Variants in KMT2B observed in about 807,000 individuals in gnomAD.
The protein encoded by KMT2B is histone-lysine N-methyltransferase 2B.
Under a neutral mutation model 255.3 loss-of-function variants are expected in KMT2B, and 22 were observed. That is an observed-to-expected ratio of 0.09 (90% CI 0.06 to 0.12). The LOEUF (loss-of-function observed/expected upper bound fraction) is 0.12, where lower values mean the gene tolerates loss of function less well. KMT2B is among the 10% of genes least tolerant of loss of function. KMT2B has a pLI of 1.00. For synonymous variants in KMT2B, 1,730 were observed against 1,498.1 expected (o/e 1.15, Z -3.57); for missense variants, 3,149 against 3,737.0 (o/e 0.84, Z 4.10).
chr19:35,733,411 T>A lies in KMT2B; in HGVS notation c.6862T>A (p.Ser2288Thr). 6.6e-7 allele frequency: 1 copy of A among 1,517,076 alleles called. No homozygotes were observed. Among genetic ancestry groups the A allele is most frequent in the Non-Finnish European group, 8.9e-7 (1 of 1,128,388 alleles). The allele number at this position is 1,517,076 out of a possible 1,614,324, so 94.0% of individuals were successfully genotyped here. Residue 2288 changes from serine (S) to threonine (T), a missense_variant, in exon 28 of 37, where the codon TCC becomes ACC. Ser to Thr is a moderately conservative substitution (Grantham distance 58). This residue lies in a region of KMT2B where 897 missense variants were observed against 825.3 expected (regional missense o/e 1.09). Coordinates refer to ENST00000420124, the MANE Select transcript of KMT2B (RefSeq NM_014727.3). The surrounding 1 kb of genome is among the most constrained non-coding windows in gnomAD (Gnocchi z 4.3). Reference protein sequence around the residue: ...VKRVSTFSGRSPPAPPPYKAP... With the variant: ...VKRVSTFSGRTPPAPPPYKAP... ...GAGGGTGTCCACTTTCTCCGGCCGG[T>A]CCCCGCCAGCACCTCCCCCATACAA...
In KMT2B at chr19:35,723,793, TGGTCCTCCA is replaced by T; in HGVS notation, c.3123_3131del (p.Pro1043_Pro1045del). ...CCGATGAATCTCCTGAGGCCTCCCC[TGGTCCTCCA>T]GGCCCACGCCGGGGGGCGGGAGCTG... On this transcript the variant is annotated inframe_deletion, in exon 8 of 37. Transcript: ENST00000420124. The surrounding 1 kb of genome is among the most constrained non-coding windows in gnomAD (Gnocchi z 7.5). 1 of 1,585,726 alleles carries T rather than the reference TGGTCCTCCA, an allele frequency of 6.3e-7. No individual in the cohort carries two copies. The highest frequency in any genetic ancestry group is 1.1e-5 in the South Asian group (1 of 89,552).
rs1221693668 is a variant in KMT2B at position 35,718,776 on chromosome 19, C to G, written c.363+395C>G. On this transcript the variant is annotated intron_variant, in intron 1 of 36. Transcript: ENST00000420124. The surrounding 1 kb of genome is among the most constrained non-coding windows in gnomAD (Gnocchi z 5.0). ...GTCTGGGCTCTTACCTGTGGGCCGC[C>G]CCGCCGGGCCTCGCAACCTCCTGGT... 3.3e-5 allele frequency among the ~76,000 whole-genome samples: 5 copies of G among 152,284 alleles called. No individual in the cohort carries two copies. In the East Asian group the frequency reaches 7.7e-4, roughly 24 times the overall value.
Position 35,724,642 on chromosome 19 carries a change from C to T in KMT2B, c.3340C>T (p.Pro1114Ser). ...RRRTPRENEL[P>S]LPEPEEQSRP... is the part of the protein sequence containing the mutation. The stretch of plus-strand genomic sequence containing the variant: ...GCTCATTGTGTCCTGCCTAGAGCTG[C>T]CACTGCCAGAACCTGAGGAGCAGAG... The change falls in exon 9 of 37, where the codon CCA becomes TCA. Residue 1114 changes from proline to serine, a missense_variant. Physicochemically the swap from Pro to Ser is moderately conservative, Grantham distance 74. Transcript: ENST00000420124. 1 of 1,596,020 alleles carries T rather than the reference C, an allele frequency of 6.3e-7. No homozygotes were observed. The highest frequency in any genetic ancestry group is 1.7e-5 in the Admixed American group (1 of 57,610).
At position 35,738,231 on chromosome 19, in the gene KMT2B, G is replaced by C. The variant is rs755712964; in HGVS notation, c.7872+40G>C. ...GCTGTGGGAAGACAGTGGGTGAAGCGAGCCTGTCCGCGGGGACAGAGCACC... is the reference window on the plus strand; with the variant it reads ...GCTGTGGGAAGACAGTGGGTGAAGCCAGCCTGTCCGCGGGGACAGAGCACC... On this transcript the variant is annotated intron_variant, in intron 36 of 36. Transcript: ENST00000420124. This position sits in a 1 kb window ranked among gnomAD's most constrained non-coding sequence, Gnocchi z 8.7. The C allele has an allele frequency of 3.7e-6, 6 of 1,613,502 alleles. No homozygotes were observed. The highest frequency in any genetic ancestry group is 4.2e-6 in the Non-Finnish European group (5 of 1,179,616).
intron 8 of KMT2B, 108 bp from the exon 9 acceptor site, chr19:35,724,529 G>A (rs987356939): frequency 1.1e-6 from 1 of 899,012 alleles, no homozygotes; most frequent in Non-Finnish European, 1.8e-6. Flanking sequence ...GTCCTGGCGG[G>A]TCTTGGTTAG....
Position 35,729,130 on chromosome 19 carries a change from C to A in KMT2B, c.4780-29C>A, listed in dbSNP as rs1969584388. The A allele has an allele frequency of 2.5e-6, 4 of 1,613,890 alleles. No individual in the cohort carries two copies. In the East Asian group the frequency reaches 8.9e-5, roughly 36 times the overall value. On this transcript the variant is annotated intron_variant, in intron 21 of 36. Coordinates refer to ENST00000420124, the MANE Select transcript of KMT2B (RefSeq NM_014727.3). The stretch of plus-strand genomic sequence containing the variant: ...TGTGGGGCCTGTTCCCTGGCCTCCC[C>A]ACATCATGCCACTCCTCTTCTGCCC...
intron 8 of KMT2B, among the ~76,000 whole-genome samples, chr19:35,724,331 TC>T (rs1165315119): frequency 2.0e-5 from 3 of 152,094 alleles, no homozygotes; most frequent in Non-Finnish European, 4.4e-5. Flanking sequence ...TGGGACCCCA[TC>T]CCTATAAAAG....
At chr19:35,729,495 T>C (rs893949113) in intron 22 of KMT2B, among the ~76,000 whole-genome samples, 199 bp downstream of exon 22, 2 of 152,176 alleles carry the variant, frequency 1.3e-5, no homozygotes, top group Non-Finnish European at 2.9e-5. Flanking sequence ...GGGCCTGAAG[T>C]GTGGGAGTCT....
chr19:35,725,208 C>G lies in KMT2B; in HGVS notation c.3529-12C>G. On this transcript the variant is annotated splice_polypyrimidine_tract_variant and intron_variant, in intron 10 of 36. Transcript: ENST00000420124. This position sits in a 1 kb window ranked among gnomAD's most constrained non-coding sequence, Gnocchi z 4.1. Reference sequence around the variant, plus strand: ...TGGCGGCCCTCTGATCCTGCATCCTCTCTTCCCCCAGGAGGATTGTGATTT... The same window carrying G: ...TGGCGGCCCTCTGATCCTGCATCCTGTCTTCCCCCAGGAGGATTGTGATTT... 1 of 1,610,896 alleles carries G rather than the reference C, an allele frequency of 6.2e-7. No homozygotes were observed. Among genetic ancestry groups the G allele is most frequent in the Non-Finnish European group, 8.5e-7 (1 of 1,177,634 alleles).
chr19:35,728,918 G>C, intron 20 of KMT2B, 29 bp downstream of exon 20: 1 of 1,612,536 alleles, frequency 6.2e-7, no homozygotes, highest in Non-Finnish European at 8.5e-7. Flanking sequence ...CCAGAAGCCA[G>C]GGCCCTGTGT....
chr19:35,727,376 G>C lies in KMT2B; in HGVS notation c.4118-62G>C. The C allele has an allele frequency of 3.8e-6, 6 of 1,597,520 alleles. No homozygotes were observed. The highest frequency in any genetic ancestry group is 5.1e-6 in the Non-Finnish European group (6 of 1,165,788). The stretch of plus-strand genomic sequence containing the variant: ...GGCTAAGGGTCCTTGCTGGCCTAGG[G>C]GCTGCTGGGAGCCCTCACATCCTCT... On this transcript the variant is annotated intron_variant, in intron 15 of 36. Coordinates refer to ENST00000420124, the MANE Select transcript of KMT2B (RefSeq NM_014727.3). This position sits in a 1 kb window ranked among gnomAD's most constrained non-coding sequence, Gnocchi z 4.2.
At position 35,738,407 on chromosome 19, in the gene KMT2B, G is replaced by A; in HGVS notation, c.7998G>A (p.Val2666=). 2 of 1,614,130 alleles carry A rather than the reference G, an allele frequency of 1.2e-6. No individual in the cohort carries two copies. The highest frequency in any genetic ancestry group is 1.7e-6 in the Non-Finnish European group (2 of 1,179,996). ...EPNCFSRVIH[V]EGQKHIVIFA... Reference sequence around the variant, plus strand: ...ACTGCTTCTCTCGGGTCATCCACGTGGAGGGCCAGAAACACATTGTTATCT... The same window carrying A: ...ACTGCTTCTCTCGGGTCATCCACGTAGAGGGCCAGAAACACATTGTTATCT... The change falls in exon 37 of 37, where the codon GTG becomes GTA. Residue 2666 remains valine (V), a synonymous_variant. Coordinates refer to ENST00000420124, the MANE Select transcript of KMT2B (RefSeq NM_014727.3). The surrounding 1 kb of genome is among the most constrained non-coding windows in gnomAD (Gnocchi z 8.7).
intron 14 of KMT2B, among the ~76,000 whole-genome samples, chr19:35,726,943 C>T (rs1969475502): frequency 6.8e-6 from 1 of 147,174 alleles, no homozygotes; most frequent in Non-Finnish European, 1.5e-5. Flanking sequence ...GAGATCTTGC[C>T]ACTGCACTCT....
Position 35,718,213 on chromosome 19 carries a change from G to A in KMT2B, c.195G>A (p.Thr65=). ...GCGGAGCCGAGCCCGGGGAGGACAC[G>A]GCCCTGCTCCGTTTGCTGGGGCTCC... is the stretch of plus-strand genomic sequence containing the variant. ...GPGGAEPGED[T]ALLRLLGLRR... is the part of the protein sequence containing the mutation. The change falls in exon 1 of 37, where the codon ACG becomes ACA. Residue 65 remains threonine, a synonymous_variant. Coordinates refer to ENST00000420124, the MANE Select transcript of KMT2B (RefSeq NM_014727.3). This position sits in a 1 kb window ranked among gnomAD's most constrained non-coding sequence, Gnocchi z 5.0. 3 of 1,165,696 alleles carry A rather than the reference G, an allele frequency of 2.6e-6. No individual in the cohort carries two copies. Among genetic ancestry groups the A allele is most frequent in the Admixed American group, 4.7e-5 (1 of 21,252 alleles). 72.2% of individuals were successfully genotyped at this position (1,165,696 alleles called of 1,614,324 possible).
Position 35,727,578 on chromosome 19 carries a change from C to G in KMT2B, c.4258C>G (p.Leu1420Val). Reference protein sequence around the residue: ...QGGLRQVLQGLLSSKVVGPLL... With the variant: ...QGGLRQVLQGVLSSKVVGPLL... ...GGGCCTGCGCCAGGTGCTCCAGGGC[C>G]TGCTGAGCTCCAAGGTGGTGGGCCC... Residue 1420 changes from leucine (L) to valine (V), a missense_variant, in exon 16 of 37, where the codon CTG becomes GTG. Coordinates refer to ENST00000420124, the MANE Select transcript of KMT2B (RefSeq NM_014727.3). This position sits in a 1 kb window ranked among gnomAD's most constrained non-coding sequence, Gnocchi z 4.2. 6.2e-7 allele frequency: 1 copy of G among 1,605,918 alleles called. No individual in the cohort carries two copies. Among genetic ancestry groups the G allele is most frequent in the East Asian group, 2.2e-5 (1 of 44,794 alleles).
At position 35,726,372 on chromosome 19, in the gene KMT2B, A is replaced by ACCGGGC. The variant is rs772297221; in HGVS notation, c.4003+19_4003+20insCCGGGC. On this transcript the variant is annotated intron_variant, in intron 14 of 36. Coordinates refer to ENST00000420124, the MANE Select transcript of KMT2B (RefSeq NM_014727.3). ...GAGAAAGGTGGGGACCGGGCAGGGG[A>ACCGGGC]ACTGGATGCTGGGGGCCACAGGGGA... 3.9e-6 allele frequency: 6 copies of ACCGGGC among 1,540,846 alleles called. No homozygotes were observed. In the African/African-American group the frequency reaches 8.2e-5, roughly 21 times the overall value.
chr19:35,726,004 G>A (rs1468714603), intron 13 of KMT2B, among the ~76,000 whole-genome samples, 186 bp downstream of exon 13: 1 of 152,184 alleles, frequency 6.6e-6, no homozygotes, highest in Non-Finnish European at 1.5e-5. Flanking sequence ...GCATGGAGTG[G>A]TTTTAGGGGC....
In KMT2B at chr19:35,729,300, A is replaced by AGGGCGC; in HGVS notation, c.4917+11_4917+16dup. The stretch of plus-strand genomic sequence containing the variant: ...TGTGGCCCGAGGGAGGCAGATGGTG[A>AGGGCGC]GGGCGCGGGCGCAGAGAGGTGGACA... On this transcript the variant is annotated splice_donor_region_variant and intron_variant, in intron 22 of 36. Transcript: ENST00000420124. 2.5e-6 allele frequency: 4 copies of AGGGCGC among 1,592,726 alleles called. No individual in the cohort carries two copies. The highest frequency in any genetic ancestry group is 3.4e-6 in the Non-Finnish European group (4 of 1,170,394).
Position 35,737,929 on chromosome 19 carries a change from G to A in KMT2B, c.7729G>A (p.Val2577Met). 1 of 1,598,798 alleles carries A rather than the reference G, an allele frequency of 6.3e-7. No individual in the cohort carries two copies. Among genetic ancestry groups the A allele is most frequent in the East Asian group, 2.3e-5 (1 of 44,350 alleles). The change falls in exon 35 of 37, where the codon GTG (valine) becomes ATG (methionine). Residue 2577 changes from valine (V) to methionine (M), a missense_variant. Coordinates refer to ENST00000420124, the MANE Select transcript of KMT2B (RefSeq NM_014727.3). The surrounding 1 kb of genome is among the most constrained non-coding windows in gnomAD (Gnocchi z 5.3). ...CCTTAAGAAGACGTCCAAAGAAGCT[G>A]TGGGTGTCTACAGGTGAGTGGGGTT... is the stretch of plus-strand genomic sequence containing the variant. Reference protein sequence around the residue: ...RHLKKTSKEAVGVYRSAIHGR... With the variant: ...RHLKKTSKEAMGVYRSAIHGR...
Sources: allele counts gnomAD v4.1 joint callset (sites outside exome capture counted in the v4.1 genomes callset), GRCh38; gene constraint gnomAD v4.1.1; regional missense constraint gnomAD v4.1.1; non-coding constraint Gnocchi (gnomAD v3.1); transcripts MANE v1.5; gene names NCBI Gene and HGNC (gene_info 2026-07-23, HGNC 2026-07-21).